RFC4: variants seen among roughly 807,000 people sequenced by gnomAD.
RFC4 encodes A1 37 kDa subunit.
In RFC4, 38 loss-of-function variants were observed where a neutral mutation model predicts 47.6. The ratio of observed to expected loss-of-function variants is 0.80; its 90% CI spans 0.62 to 1.05. The LOEUF (loss-of-function observed/expected upper bound fraction) is 1.05. RFC4 is among the 50% of genes least tolerant of loss of function. The pLI is 0.00. For synonymous variants in RFC4, 164 were observed against 150.0 expected, an observed-to-expected ratio of 1.09 and a Z score of -0.68; for missense variants, 489 against 434.0, an observed-to-expected ratio of 1.13 and a Z score of -1.13.
chr3:186,790,284 G>T lies in RFC4; in HGVS notation c.883-29C>A, dbSNP rs759644164. 6 of 1,609,522 alleles carry T rather than the reference G, an allele frequency of 3.7e-6. No individual in the cohort carries two copies. The African/African-American group carries it at 5.4e-5, about 14-fold the overall frequency. On this transcript the variant is annotated intron_variant, in intron 9 of 10. Coordinates refer to ENST00000296273, the MANE Select transcript of RFC4 (RefSeq NM_002916.5). The stretch of plus-strand genomic sequence containing the variant: ...TAATAAAAAAAACTTTTGGTATGAT[G>T]ACTTAATATTCCTTTCCCCAAAGTT...
chr3:186,796,000 G>A lies in RFC4; in HGVS notation c.291-1223C>T, dbSNP rs1343532248. The stretch of plus-strand genomic sequence containing the variant: ...AAAGTGGGCACACTGTCAAAGCACT[G>A]TTTTTGAAACTTCCCTCTAGTCTTT... On this transcript the variant is annotated intron_variant, in intron 4 of 10. Transcript: ENST00000296273. Among the ~76,000 whole-genome samples, 3 of 150,536 alleles carry A rather than the reference G, an allele frequency of 2.0e-5. No individual in the cohort carries two copies. In the East Asian group the frequency reaches 5.9e-4, roughly 30 times the overall value.
Position 186,796,748 on chromosome 3 carries a change from G to T in RFC4, c.290+787C>A, listed in dbSNP as rs939150204. ...ACCTGCCTCGGCCTCCCAAAGTGCT[G>T]GGATTACAGATGTGAGCCACCACAC... On this transcript the variant is annotated intron_variant, in intron 4 of 10. Coordinates refer to ENST00000296273, the MANE Select transcript of RFC4 (RefSeq NM_002916.5). This position sits in a 1 kb window ranked among gnomAD's most constrained non-coding sequence, Gnocchi z 4.2. Among the ~76,000 whole-genome samples, 1 of 152,258 alleles carries T rather than the reference G, an allele frequency of 6.6e-6. No homozygotes were observed. The highest frequency in any genetic ancestry group is 6.5e-5 in the Admixed American group (1 of 15,290).
Position 186,792,787 on chromosome 3 carries a change from C to A in RFC4, c.554+17G>T. The A allele has an allele frequency of 3.8e-6, 6 of 1,597,582 alleles. No homozygotes were observed. The highest frequency in any genetic ancestry group is 5.1e-6 in the Non-Finnish European group (6 of 1,172,794). The stretch of plus-strand genomic sequence containing the variant: ...AATAAGGCTGCCTAGCATCTGTCTT[C>A]AGGGCAATATACATACCGACTGACA... On this transcript the variant is annotated intron_variant, in intron 6 of 10. Transcript: ENST00000296273.
In RFC4 at chr3:186,790,268, A is replaced by T. The variant is rs769281517; in HGVS notation, c.883-13T>A. 70 of 1,611,732 alleles carry T rather than the reference A, an allele frequency of 4.3e-5. No homozygotes were observed. The highest frequency in any genetic ancestry group is 5.9e-5 in the Non-Finnish European group (70 of 1,178,178). ...CATCTATTAAATCCTATAATAAAAA[A>T]AACTTTTGGTATGATGACTTAATAT... On this transcript the variant is annotated splice_polypyrimidine_tract_variant and intron_variant, in intron 9 of 10. Coordinates refer to ENST00000296273, the MANE Select transcript of RFC4 (RefSeq NM_002916.5).
intron 8 of RFC4, 76 bp from the exon 9 acceptor site, chr3:186,790,482 G>GC (rs1429612228): frequency 9.9e-7 from 1 of 1,015,038 alleles, no homozygotes; most frequent in Admixed American, 1.7e-5. Context: ...TGGCCCCCGT[G>GC]CCCCCAGTCA....
intron 2 of RFC4, among the ~76,000 whole-genome samples, chr3:186,804,178 G>A (rs192280245): frequency 4.6e-5 from 7 of 152,170 alleles, no homozygotes; most frequent in African/African-American, 7.2e-5. Context: ...GTGAGACTCC[G>A]TCTCAAAAAT....
In RFC4 at chr3:186,792,953, T is replaced by G; in HGVS notation, c.411-6A>C. On this transcript the variant is annotated splice_polypyrimidine_tract_variant and splice_region_variant and intron_variant, in intron 5 of 10. Coordinates refer to ENST00000296273, the MANE Select transcript of RFC4 (RefSeq NM_002916.5). ...AAGGCGGACACGGCTTCCCACTGATTCAGAGAAACACATAAGAGTTGAACA... is the reference window on the plus strand; with the variant it reads ...AAGGCGGACACGGCTTCCCACTGATGCAGAGAAACACATAAGAGTTGAACA... 6.2e-7 allele frequency: 1 copy of G among 1,610,966 alleles called. No homozygotes were observed. Among genetic ancestry groups the G allele is most frequent in the Non-Finnish European group, 8.5e-7 (1 of 1,178,846 alleles).
rs370298695 is a variant in RFC4 at position 186,789,947 on chromosome 3, C to G, written c.*22G>C. 1.4e-6 allele frequency: 2 copies of G among 1,422,152 alleles called. No homozygotes were observed. Among genetic ancestry groups the G allele is most frequent in the Admixed American group, 1.7e-5 (1 of 57,146 alleles). 88.1% of individuals were successfully genotyped at this position (1,422,152 alleles called of 1,614,324 possible). A position where few individuals can be genotyped will look rare whatever the true frequency, so the allele number is the denominator to read the frequency against. ...ATTACAACTTCATTATTTACAAAACCCCCCATCCAGATATATTCACGTTAA... is the reference window on the plus strand; with the variant it reads ...ATTACAACTTCATTATTTACAAAACGCCCCATCCAGATATATTCACGTTAA... On this transcript the variant is annotated 3_prime_UTR_variant, in exon 11 of 11. Transcript: ENST00000296273.
chr3:186,794,089 G>A (rs1315408233), intron 5 of RFC4, among the ~76,000 whole-genome samples: 2 of 152,124 alleles, frequency 1.3e-5, no homozygotes, highest in Non-Finnish European at 2.9e-5. Context: ...ATATGTTCTA[G>A]ATATAAGTAC....
At chr3:186,794,467 C>T (rs1722203778) in intron 5 of RFC4, among the ~76,000 whole-genome samples, 191 bp downstream of exon 5, 1 of 152,290 alleles carries the variant, frequency 6.6e-6, no homozygotes, top group African/African-American at 2.4e-5. Context: ...TAATCCTGGA[C>T]CTTTGCCACC....
rs749203660 is a variant in RFC4 at position 186,790,335 on chromosome 3, A to C, written c.873T>G (p.Ala291=). 1.2e-6 allele frequency: 2 copies of C among 1,613,778 alleles called. No individual in the cohort carries two copies. Among genetic ancestry groups the C allele is most frequent in the Non-Finnish European group, 1.7e-6 (2 of 1,179,670 alleles). Residue 291 remains alanine, a synonymous_variant, in exon 9 of 11, where the codon GCT becomes GCG. Coordinates refer to ENST00000296273, the MANE Select transcript of RFC4 (RefSeq NM_002916.5). The part of the protein sequence containing the change: ...CQSGSFDKLE[A]VVKDLIDEGH... ...AGTAAGCTGACTTTACCTTGACCACAGCTTCTAGTTTGTCAAAAGAGCCAC... is the reference window on the plus strand; with the variant it reads ...AGTAAGCTGACTTTACCTTGACCACCGCTTCTAGTTTGTCAAAAGAGCCAC...
chr3:186,790,088 A>G (rs368758303), intron 10 of RFC4, 24 bp from the exon 11 acceptor site: 41 of 1,606,918 alleles, frequency 2.6e-5, no homozygotes, highest in Non-Finnish European at 3.2e-5. Context: ...TTAAGAAATT[A>G]GCATCCTTCA....
chr3:186,804,865 G>A, intron 1 of RFC4, 141 bp from the exon 2 acceptor site: 4 of 731,408 alleles, frequency 5.5e-6, no homozygotes, highest in Non-Finnish European at 8.9e-6. Context: ...GTGCAAAGAT[G>A]TTACATAATA....
At chr3:186,803,915 C>T (rs1340610632) in intron 2 of RFC4, among the ~76,000 whole-genome samples, 1 of 152,094 alleles carries the variant, frequency 6.6e-6, no homozygotes, top group African/African-American at 2.4e-5. Flanking sequence ...GGCGCGGTGG[C>T]TCATGCATGT....
chr3:186,790,285 ACTTAATATTC>A, intron 9 of RFC4, 30 bp from the exon 10 acceptor site: 2 of 1,611,078 alleles, frequency 1.2e-6, no homozygotes, highest in Non-Finnish European at 1.7e-6. Context: ...TGGTATGATG[ACTTAATATTC>A]CTTTCCCCAA....
In RFC4 at chr3:186,790,418, A is replaced by T; in HGVS notation, c.802-12T>A. 6.3e-7 allele frequency: 1 copy of T among 1,580,410 alleles called. No homozygotes were observed. The highest frequency in any genetic ancestry group is 8.7e-7 in the Non-Finnish European group (1 of 1,149,400). ...TCAGCTGGTATTACCTAGGTAATTG[A>T]ATGTTCGGTATTAAAGATGTTTCTA... On this transcript the variant is annotated splice_polypyrimidine_tract_variant and intron_variant, in intron 8 of 10. Transcript: ENST00000296273.
At position 186,792,948 on chromosome 3, in the gene RFC4, C is replaced by G; in HGVS notation, c.411-1G>C. On this transcript the variant is annotated splice_acceptor_variant, in intron 5 of 10. Coordinates refer to ENST00000296273, the MANE Select transcript of RFC4 (RefSeq NM_002916.5). LOFTEE classifies it high-confidence loss of function. ...CTTAAAAGGCGGACACGGCTTCCCA[C>G]TGATTCAGAGAAACACATAAGAGTT... 1 of 1,610,992 alleles carries G rather than the reference C, an allele frequency of 6.2e-7. No homozygotes were observed. Among genetic ancestry groups the G allele is most frequent in the Non-Finnish European group, 8.5e-7 (1 of 1,179,016 alleles).
At position 186,804,668 on chromosome 3, in the gene RFC4, G is replaced by A. The variant is rs1722436825; in HGVS notation, c.46C>T (p.Leu16=). 1.2e-6 allele frequency: 2 copies of A among 1,613,988 alleles called. No homozygotes were observed. Among genetic ancestry groups the A allele is most frequent in the African/African-American group, 1.3e-5 (1 of 74,904 alleles). ...KGTSISTKPP[L]TKDRGVAASA... is the part of the protein sequence containing the mutation. ...GCAGCTACTCCTCGATCCTTGGTCA[G>A]CGGGGGTTTAGTACTGATGGATGTA... Residue 16 remains leucine (L), a synonymous_variant, in exon 2 of 11, where the codon CTG becomes TTG. Transcript: ENST00000296273.
chr3:186,790,803 C>T (rs1001679678), intron 8 of RFC4, among the ~76,000 whole-genome samples: 7 of 152,096 alleles, frequency 4.6e-5, no homozygotes, highest in African/African-American at 9.7e-5. Context: ...GTAAAGATGC[C>T]ACTAATGAGA....
Sources: gnomAD v4.1 joint callset for allele counts (sites outside exome capture counted in the v4.1 genomes callset) on GRCh38, gnomAD v4.1.1 for gene constraint, Gnocchi (gnomAD v3.1) non-coding constraint, MANE v1.5 for transcripts, NCBI Gene and HGNC (gene_info 2026-07-23, HGNC 2026-07-21) for gene names.